BAZ2B: variants seen among roughly 807,000 people sequenced by gnomAD.
The protein encoded by BAZ2B is bromodomain adjacent to zinc finger domain 2B, also known as bromodomain adjacent to zinc finger domain protein 2B.
A neutral mutation model predicts 246.0 loss-of-function variants in BAZ2B; 91 were observed. The observed-to-expected ratio is 0.37, with a 90% CI of 0.31 to 0.44. The LOEUF (loss-of-function observed/expected upper bound fraction) is 0.44, where lower values mean the gene tolerates loss of function less well. Ranked by LOEUF, BAZ2B falls within the 20% of genes least tolerant of loss-of-function variation. The pLI is 1.00. For missense variants in BAZ2B, 2,332 were observed against 2,533.7 expected, an observed-to-expected ratio of 0.92 and a Z score of 1.71; for synonymous variants, 855 against 860.0, an observed-to-expected ratio of 0.99 and a Z score of 0.10.
the BAZ2B span, among the ~76,000 whole-genome samples, chr2:159,653,663 T>A: frequency 6.6e-6 from 1 of 152,188 alleles, no homozygotes; most frequent in Non-Finnish European, 1.5e-5. Context: ...ACACATAAGG[T>A]TCAGTGACTT....
Position 159,428,291 on chromosome 2 carries a change from A to G in BAZ2B, c.2364+20T>C. On this transcript the variant is annotated intron_variant, in intron 12 of 36. Coordinates refer to ENST00000392783, the MANE Select transcript of BAZ2B (RefSeq NM_013450.4). ...GCTTAATAGGCACCAAATGTACATT[A>G]TTTGGTGAAAAGTATGTACCTTTAT... is the stretch of plus-strand genomic sequence containing the variant. 6.3e-7 allele frequency: 1 copy of G among 1,584,590 alleles called. No individual in the cohort carries two copies. Among genetic ancestry groups the G allele is most frequent in the Non-Finnish European group, 8.6e-7 (1 of 1,156,994 alleles).
intron 2 of BAZ2B, among the ~76,000 whole-genome samples, chr2:159,501,226 T>TTATATATATATATATTATATATATATA (rs2081778787): frequency 1.8e-5 from 2 of 112,450 alleles, no homozygotes; most frequent in Non-Finnish European, 3.6e-5. Flanking sequence ...ATATATATAT[T>TTATATATATATATATTATATATATATA]TATATATATA....
rs757598184 is a variant in BAZ2B, at chr2:159,453,736, T to C, written c.211A>G (p.Met71Val). 5.7e-5 allele frequency: 92 copies of C among 1,613,524 alleles called. No homozygotes were observed. Among genetic ancestry groups the C allele is most frequent in the Middle Eastern group, 1.6e-4 (1 of 6,082 alleles). Reference protein sequence around the residue: ...NLSTVSSAFPMVSHPVFGLHS... With the variant: ...NLSTVSSAFPVVSHPVFGLHS... ...AGACCAAAGACTGGGTGGCTGACCA[T>C]TGGGAAGGCACTCGACACTGTGGAC... The change falls in exon 4 of 37, where the codon ATG (methionine) becomes GTG (valine). Residue 71 changes from methionine to valine, a missense_variant. By Grantham distance (21) the Met-to-Val change is conservative. Coordinates refer to ENST00000392783, the MANE Select transcript of BAZ2B (RefSeq NM_013450.4).
At chr2:159,437,899 A>G (rs1332849612) in intron 8 of BAZ2B, 1 of 162,186 alleles carries the variant, frequency 6.2e-6, no homozygotes, top group African/African-American at 2.4e-5. Flanking sequence ...CCTCGGCAAC[A>G]GATTGAGACC....
At chr2:159,594,070 TA>T (rs1390923769) in intron 1 of BAZ2B, among the ~76,000 whole-genome samples, 1 of 152,074 alleles carries the variant, frequency 6.6e-6, no homozygotes, top group African/African-American at 2.4e-5. Context: ...TCTCAGACAA[TA>T]AAAACACTGA....
At chr2:159,605,699 G>A (rs1272465502) in intron 1 of BAZ2B, among the ~76,000 whole-genome samples, 2 of 152,060 alleles carry the variant, frequency 1.3e-5, no homozygotes, top group African/African-American at 4.8e-5. Flanking sequence ...TCCAGTCTGG[G>A]CAACAGAGCA....
At chr2:159,564,573 A>G (rs1167820085) in intron 1 of BAZ2B, among the ~76,000 whole-genome samples, 1 of 152,174 alleles carries the variant, frequency 6.6e-6, no homozygotes, top group African/African-American at 2.4e-5. Flanking sequence ...ATTATTTTTG[A>G]TATTTGATTG....
intron 2 of BAZ2B, among the ~76,000 whole-genome samples, chr2:159,513,632 C>T (rs1466107736): frequency 4.6e-5 from 7 of 152,164 alleles, no homozygotes; most frequent in Non-Finnish European, 5.9e-5. Context: ...CCTTGTATCT[C>T]ACATCCAGCC....
chr2:159,315,436 G>A (rs1395789541), downstream of BAZ2B, among the ~76,000 whole-genome samples: 1 of 152,152 alleles, frequency 6.6e-6, no homozygotes, highest in African/African-American at 2.4e-5. Flanking sequence ...ATGTTGGCTG[G>A]GGCTCCGGTC....
At chr2:159,519,671 T>TTC (rs1229581004) in intron 2 of BAZ2B, among the ~76,000 whole-genome samples, 44 of 67,106 alleles carry the variant, frequency 6.6e-4, no homozygotes, top group African/African-American at 1.7e-3. Flanking sequence ...ACCTTTCTTC[T>TTC]TTTTTTTTTT....
intron 10 of BAZ2B, among the ~76,000 whole-genome samples, chr2:159,430,046 G>A (rs995407420): frequency 2.0e-5 from 3 of 152,092 alleles, no homozygotes; most frequent in Non-Finnish European, 2.9e-5. Context: ...GACATGGCAC[G>A]TTAATGGAAT....
chr2:159,476,877 A>G (rs1040955609), intron 3 of BAZ2B, among the ~76,000 whole-genome samples: 5 of 152,242 alleles, frequency 3.3e-5, no homozygotes, highest in Non-Finnish European at 7.3e-5. Flanking sequence ...GCTATTTTTG[A>G]GCACAGTATA....
chr2:159,400,605 A>G lies in BAZ2B; in HGVS notation c.2892T>C (p.Ile964=), dbSNP rs2064841329. ...TTAAATTTAAGACTTCTACCTCTAG[A>G]ATTTGCTGAGCTCGAAGTTCTTTTT... ...RMEKELRAQQ[I]LEAKKKKKEE... is the part of the protein sequence containing the mutation. Residue 964 remains isoleucine (I), a synonymous_variant, in exon 17 of 37, where the codon ATT becomes ATC. Coordinates refer to ENST00000392783, the MANE Select transcript of BAZ2B (RefSeq NM_013450.4). 2.6e-6 allele frequency: 4 copies of G among 1,561,442 alleles called. No homozygotes were observed. The highest frequency in any genetic ancestry group is 4.6e-5 in the East Asian group (2 of 43,956).
chr2:159,708,630 G>A, the BAZ2B span, among the ~76,000 whole-genome samples: 1 of 151,402 alleles, frequency 6.6e-6, no homozygotes, highest in South Asian at 2.1e-4. Context: ...CCTGAATGCA[G>A]TGGCATGATC....
At chr2:159,322,659 A>G (rs1355822748) in intron 36 of BAZ2B, among the ~76,000 whole-genome samples, 4 of 152,212 alleles carry the variant, frequency 2.6e-5, no homozygotes, top group African/African-American at 9.6e-5. Context: ...TGAAAAAAGT[A>G]TACAACTCAT....
intron 3 of BAZ2B, 134 bp downstream of exon 3, chr2:159,478,441 C>T: frequency 1.1e-6 from 1 of 898,818 alleles, no homozygotes; most frequent in South Asian, 3.0e-5. Flanking sequence ...AGCAAAAAGA[C>T]TAGGTGTTTA....
chr2:159,703,704 C>T, the BAZ2B span, among the ~76,000 whole-genome samples: 7 of 151,646 alleles, frequency 4.6e-5, no homozygotes, highest in African/African-American at 1.2e-4. Context: ...GGCAACATAG[C>T]GAAACCCTGT....
rs776067541 is a variant in BAZ2B, at chr2:159,320,348, C to A, written c.6424G>T (p.Asp2142Tyr). The A allele has an allele frequency of 6.3e-7, 1 of 1,583,324 alleles. No individual in the cohort carries two copies. Among genetic ancestry groups the A allele is most frequent in the South Asian group, 1.2e-5 (1 of 84,428 alleles). Residue 2142 changes from aspartate (D) to tyrosine (Y), a missense_variant, in exon 37 of 37, where the codon GAT becomes TAT. This residue lies in a region of BAZ2B where 210 missense variants were observed against 232.5 expected (regional missense o/e 0.90). Coordinates refer to ENST00000392783, the MANE Select transcript of BAZ2B (RefSeq NM_013450.4). Reference sequence around the variant, plus strand: ...CCAGCTCTGCCTATATCAGAATCATCTTCATTAAATGTTTCACAGTTGTCA... The same window carrying A: ...CCAGCTCTGCCTATATCAGAATCATATTCATTAAATGTTTCACAGTTGTCA... Reference protein sequence around the residue: ...VFDNCETFNEDDSDIGRAGHN... With the variant: ...VFDNCETFNEYDSDIGRAGHN...
chr2:159,340,319 G>A (rs150288653), intron 31 of BAZ2B, among the ~76,000 whole-genome samples: 158 of 152,090 alleles, frequency 1.0e-3, no homozygotes, highest in African/African-American at 3.7e-3. Flanking sequence ...TATTCCTGTG[G>A]GTGTTACAGA....
Sources: gnomAD v4.1 joint callset for allele counts (sites outside exome capture counted in the v4.1 genomes callset) on GRCh38, gnomAD v4.1.1 for gene constraint, gnomAD v4.1.1 regional missense constraint, MANE v1.5 for transcripts, NCBI Gene and HGNC (gene_info 2026-07-23, HGNC 2026-07-21) for gene names.